Variants in TLN2 observed in about 807,000 individuals in gnomAD.
The protein encoded by TLN2 is talin-2.
In TLN2, 118 loss-of-function variants were observed where a neutral mutation model predicts 294.7. The observed-to-expected ratio is 0.40, with a 90% CI of 0.34 to 0.47. TLN2 has a LOEUF of 0.47. Ranked by LOEUF, TLN2 falls within the 20% of genes least tolerant of loss-of-function variation. The pLI is 0.84. For synonymous variants in TLN2, 1,431 were observed against 1,304.5 expected (o/e 1.10, Z -2.09); for missense variants, 3,083 against 3,282.2 (o/e 0.94, Z 1.48).
At chr15:62,693,554 C>G (rs2058088270) in intron 13 of TLN2, among the ~76,000 whole-genome samples, 1 of 151,838 alleles carries the variant, frequency 6.6e-6, no homozygotes, top group Non-Finnish European at 1.5e-5. Context: ...GCTTTTCAGC[C>G]TCTGTGGGAA....
chr15:62,546,751 G>C (rs1470946893), intron 1 of TLN2, among the ~76,000 whole-genome samples: 1 of 152,144 alleles, frequency 6.6e-6, no homozygotes, highest in African/African-American at 2.4e-5. Flanking sequence ...TAGAGCAAGG[G>C]GAGCTTTGAG....
chr15:62,790,921 G>A (rs2065030267), intron 45 of TLN2, among the ~76,000 whole-genome samples: 1 of 152,332 alleles, frequency 6.6e-6, no homozygotes, highest in South Asian at 2.1e-4. Context: ...CAGAGGTGCT[G>A]CTGCTGTTGT....
chr15:62,778,252 G>T (rs1239546196), intron 43 of TLN2, among the ~76,000 whole-genome samples: 1 of 152,194 alleles, frequency 6.6e-6, no homozygotes, highest in Non-Finnish European at 1.5e-5. Flanking sequence ...TCATCCATCA[G>T]TTTCTGCTGT....
intron 1 of TLN2, among the ~76,000 whole-genome samples, chr15:62,529,546 TCTTA>T (rs1015178166): frequency 7.2e-6 from 1 of 139,832 alleles, no homozygotes; most frequent in Non-Finnish European, 1.5e-5. Context: ...ATTTTTTTTC[TCTTA>T]CTTAAAAGCT....
intron 42 of TLN2, 53 bp downstream of exon 42, chr15:62,771,187 C>T (rs2063330397): frequency 3.0e-5 from 46 of 1,520,334 alleles, no homozygotes; most frequent in Non-Finnish European, 3.9e-5. Flanking sequence ...AGCCATCATG[C>T]ATTCCTGCTG....
At chr15:62,492,092 AACTT>A (rs2038762205) in intron 1 of TLN2, among the ~76,000 whole-genome samples, 1 of 152,012 alleles carries the variant, frequency 6.6e-6, no homozygotes, top group African/African-American at 2.4e-5. Context: ...GTATTTTGAT[AACTT>A]ATTTATTATA....
intron 57 of TLN2, among the ~76,000 whole-genome samples, chr15:62,837,581 G>A (rs1019366247): frequency 7.9e-5 from 12 of 152,166 alleles, no homozygotes; most frequent in Non-Finnish European, 1.8e-4. Context: ...ACTGGATGTT[G>A]CAATGTTTTA....
chr15:62,553,434 G>A lies in TLN2; in HGVS notation c.-237-36253G>A, dbSNP rs1234487079. 2.6e-5 allele frequency among the ~76,000 whole-genome samples: 4 copies of A among 151,984 alleles called. No homozygotes were observed. The East Asian group carries it at 5.8e-4, about 22-fold the overall frequency. Reference sequence around the variant, plus strand: ...CAGGAGGCGGAGGTTGCGGCGAGCCGAGATCACGCCATTGCACTCCAGTGT... The same window carrying A: ...CAGGAGGCGGAGGTTGCGGCGAGCCAAGATCACGCCATTGCACTCCAGTGT... On this transcript the variant is annotated intron_variant, in intron 1 of 58. Transcript: ENST00000636159.
intron 2 of TLN2, among the ~76,000 whole-genome samples, chr15:62,608,019 A>C (rs1335133383): frequency 6.6e-6 from 1 of 152,150 alleles, no homozygotes. Flanking sequence ...TGCGAAGGAC[A>C]TGTGTTGTAT....
At chr15:62,633,324 T>C (rs2050087985) in intron 3 of TLN2, among the ~76,000 whole-genome samples, 1 of 152,250 alleles carries the variant, frequency 6.6e-6, no homozygotes, top group South Asian at 2.1e-4. Flanking sequence ...GGAGATGGTG[T>C]CTTGCTCTGT....
chr15:62,651,941 G>T, intron 5 of TLN2, 64 bp from the exon 6 acceptor site: 1 of 1,463,274 alleles, frequency 6.8e-7, no homozygotes, highest in South Asian at 1.6e-5. Context: ...TTAAAGAAAA[G>T]TGTTCAAGTT....
At position 62,802,407 on chromosome 15, in the gene TLN2, A is replaced by G. The variant is rs564618787; in HGVS notation, c.6477+1638A>G. 1.5e-3 allele frequency among the ~76,000 whole-genome samples: 160 copies of G among 107,004 alleles called. 1 individual carries two copies. The highest frequency in any genetic ancestry group is 6.3e-3 in the African/African-American group (153 of 24,428). The allele number at this position is 107,004 out of a possible 152,430, so 70.2% of individuals were successfully genotyped here. A position where few individuals can be genotyped will look rare whatever the true frequency, so the allele number is the denominator to read the frequency against. On this transcript the variant is annotated intron_variant, in intron 50 of 58. Coordinates refer to ENST00000636159, the MANE Select transcript of TLN2 (RefSeq NM_015059.3). ...ACAGATGAATGGACACACATATACAATGGTACACACACACACACACACACA... is the reference window on the plus strand; with the variant it reads ...ACAGATGAATGGACACACATATACAGTGGTACACACACACACACACACACA...
intron 1 of TLN2, among the ~76,000 whole-genome samples, chr15:62,422,657 A>T (rs1200162549): frequency 6.6e-6 from 1 of 151,946 alleles, no homozygotes; most frequent in Non-Finnish European, 1.5e-5. Context: ...ATCTCCTGGC[A>T]CTCCAGCAGC....
chr15:62,482,248 G>A (rs1436645754), intron 1 of TLN2, among the ~76,000 whole-genome samples: 1 of 152,066 alleles, frequency 6.6e-6, no homozygotes, highest in Non-Finnish European at 1.5e-5. Flanking sequence ...GACCCTTATG[G>A]ACAATTCTAT....
chr15:62,766,158 C>T (rs2062991014), intron 40 of TLN2, among the ~76,000 whole-genome samples, 163 bp from the exon 41 acceptor site: 1 of 152,230 alleles, frequency 6.6e-6, no homozygotes, highest in Non-Finnish European at 1.5e-5. Flanking sequence ...GGAGTCATCA[C>T]TGAGAAGGTC....
At chr15:62,641,131 G>C (rs763826570) in intron 3 of TLN2, among the ~76,000 whole-genome samples, 1 of 152,050 alleles carries the variant, frequency 6.6e-6, no homozygotes, top group Admixed American at 6.6e-5. Flanking sequence ...TGAATAAAGG[G>C]CTAACTAGAA....
At chr15:62,749,152 C>T (rs536382904) in intron 33 of TLN2, among the ~76,000 whole-genome samples, 15 of 152,308 alleles carry the variant, frequency 9.8e-5, no homozygotes, top group African/African-American at 2.9e-4. Flanking sequence ...TCCCAAGGAA[C>T]GTTCCATTTT....
At chr15:62,565,505 T>G (rs775442607) in intron 1 of TLN2, among the ~76,000 whole-genome samples, 11 of 152,180 alleles carry the variant, frequency 7.2e-5, no homozygotes, top group Non-Finnish European at 1.3e-4. Flanking sequence ...ACTTCGTAAT[T>G]AAGTACTCCT....
chr15:62,773,580 T>A (rs1447167441), intron 42 of TLN2, among the ~76,000 whole-genome samples: 1 of 152,132 alleles, frequency 6.6e-6, no homozygotes, highest in East Asian at 1.9e-4. Flanking sequence ...CCTTGAGTGT[T>A]ATTCTTTGGA....
Sources: gnomAD v4.1 joint callset for allele counts (sites outside exome capture counted in the v4.1 genomes callset) on GRCh38, gnomAD v4.1.1 for gene constraint, MANE v1.5 for transcripts, NCBI Gene and HGNC (gene_info 2026-07-23, HGNC 2026-07-21) for gene names.